UBQLN4: variants seen among roughly 807,000 people sequenced by gnomAD.
UBQLN4 encodes ubiquilin-4.
A neutral mutation model predicts 60.4 loss-of-function variants in UBQLN4; 11 were observed. The observed-to-expected ratio is 0.18, with a 90% CI of 0.11 to 0.30. The LOEUF (loss-of-function observed/expected upper bound fraction) is 0.30, where lower values mean the gene tolerates loss of function less well. UBQLN4 is among the 10% of genes least tolerant of loss of function. UBQLN4 has a pLI of 1.00. For synonymous variants in UBQLN4, 258 were observed against 313.1 expected, an observed-to-expected ratio of 0.82 and a Z score of 1.86; for missense variants, 417 against 795.5, an observed-to-expected ratio of 0.52 and a Z score of 5.72.
chr1:156,032,686 C>T (rs1683316448), downstream of UBQLN4, among the ~76,000 whole-genome samples: 1 of 152,048 alleles, frequency 6.6e-6, no homozygotes, highest in African/African-American at 2.4e-5. Context: ...GAGATGGGCG[C>T]TTGGTTTAGG....
chr1:156,035,288 C>T (rs534321414), downstream of UBQLN4: 163 of 985,450 alleles, frequency 1.7e-4, 2 homozygotes, highest in South Asian at 4.7e-3. Flanking sequence ...AAAAAACAAA[C>T]GCCAACACAC....
chr1:156,038,379 A>G (rs1357659273), intron 10 of UBQLN4, among the ~76,000 whole-genome samples: 1 of 145,130 alleles, frequency 6.9e-6, no homozygotes, highest in Non-Finnish European at 1.5e-5. Flanking sequence ...TAAAAAAACA[A>G]AAGTGCGTGG....
intron 10 of UBQLN4, among the ~76,000 whole-genome samples, chr1:156,039,501 C>T (rs1018948944): frequency 7.3e-5 from 11 of 151,360 alleles, no homozygotes; most frequent in Non-Finnish European, 1.2e-4. Flanking sequence ...CTGCCTGCCT[C>T]GGCCTCCCAA....
chr1:156,051,794 C>T lies in UBQLN4; in HGVS notation c.172G>A (p.Gly58Ser). ...GTGTCCCCATCCTTGAGGATCTTGC[C>T]TGCGAAGATCAGGACCAGCTGATCC... ...QQDQLVLIFA[G>S]KILKDGDTLN... is the part of the protein sequence containing the mutation. The change falls in exon 2 of 11, where the codon GGC (glycine) becomes AGC (serine). Residue 58 changes from glycine to serine, a missense_variant. Coordinates refer to ENST00000368309, the MANE Select transcript of UBQLN4 (RefSeq NM_020131.5). The T allele has an allele frequency of 6.2e-7, 1 of 1,614,164 alleles. No individual in the cohort carries two copies. The highest frequency in any genetic ancestry group is 1.1e-5 in the South Asian group (1 of 91,088).
chr1:156,040,441 A>ATTTTTTT (rs112995184), intron 10 of UBQLN4, among the ~76,000 whole-genome samples: 10 of 109,010 alleles, frequency 9.2e-5, no homozygotes, highest in East Asian at 3.2e-4. Context: ...CAGTCCACAC[A>ATTTTTTT]TTTTTTTTTT....
chr1:156,032,297 C>T (rs1342313999), downstream of UBQLN4, among the ~76,000 whole-genome samples: 2 of 151,138 alleles, frequency 1.3e-5, no homozygotes, highest in Non-Finnish European at 2.9e-5. Flanking sequence ...CCACCGCGCC[C>T]GGCCAAAATG....
chr1:156,051,077 A>G (rs1572281278), intron 3 of UBQLN4, 33 bp downstream of exon 3: 1 of 1,602,488 alleles, frequency 6.2e-7, no homozygotes, highest in Non-Finnish European at 8.5e-7. Context: ...CCCAACCCCA[A>G]ACAAGATTGT....
chr1:156,036,791 A>G lies in UBQLN4; in HGVS notation c.*187T>C. The G allele has an allele frequency of 1.4e-6, 2 of 1,465,476 alleles. No homozygotes were observed. The highest frequency in any genetic ancestry group is 2.9e-5 in the South Asian group (2 of 67,802). 90.8% of individuals were successfully genotyped at this position (1,465,476 alleles called of 1,614,324 possible). ...GGAGAGAAGAGTCTGTTAGAGACGTAGCAGTAAAACCATAATTCTCAGACA... is the reference window on the plus strand; with the variant it reads ...GGAGAGAAGAGTCTGTTAGAGACGTGGCAGTAAAACCATAATTCTCAGACA... On this transcript the variant is annotated 3_prime_UTR_variant, in exon 11 of 11. Transcript: ENST00000368309.
Position 156,050,191 on chromosome 1 carries a change from T to C in UBQLN4, c.741+100A>G. The C allele has an allele frequency of 6.9e-7, 1 of 1,444,790 alleles. No homozygotes were observed. The highest frequency in any genetic ancestry group is 2.5e-5 in the Admixed American group (1 of 40,030). 89.5% of individuals were successfully genotyped at this position (1,444,790 alleles called of 1,614,324 possible). ...ACCTCCAGTGTTCAAAACTGCTGAATACACGAATGAACAAATCAATGTAGG... is the reference window on the plus strand; with the variant it reads ...ACCTCCAGTGTTCAAAACTGCTGAACACACGAATGAACAAATCAATGTAGG... On this transcript the variant is annotated intron_variant, in intron 4 of 10. Coordinates refer to ENST00000368309, the MANE Select transcript of UBQLN4 (RefSeq NM_020131.5). The surrounding 1 kb of genome is among the most constrained non-coding windows in gnomAD (Gnocchi z 4.6).
Position 156,050,210 on chromosome 1 carries a change from A to G in UBQLN4, c.741+81T>C. 6.7e-7 allele frequency: 1 copy of G among 1,495,150 alleles called. No homozygotes were observed. Among genetic ancestry groups the G allele is most frequent in the South Asian group, 1.4e-5 (1 of 71,912 alleles). 92.6% of individuals were successfully genotyped at this position (1,495,150 alleles called of 1,614,324 possible). On this transcript the variant is annotated intron_variant, in intron 4 of 10. Transcript: ENST00000368309. This position sits in a 1 kb window ranked among gnomAD's most constrained non-coding sequence, Gnocchi z 4.6. ...GCTGAATACACGAATGAACAAATCAATGTAGGACAAAGTAGGAAAGGCTGG... is the reference window on the plus strand; with the variant it reads ...GCTGAATACACGAATGAACAAATCAGTGTAGGACAAAGTAGGAAAGGCTGG...
downstream of UBQLN4, among the ~76,000 whole-genome samples, chr1:156,031,416 A>G (rs963352697): frequency 2.0e-5 from 3 of 152,292 alleles, no homozygotes; most frequent in South Asian, 2.1e-4. Context: ...CCAAGACCGC[A>G]TAAGTAGAAA....
At chr1:156,038,081 A>C (rs1396663722) in intron 10 of UBQLN4, among the ~76,000 whole-genome samples, 1 of 152,220 alleles carries the variant, frequency 6.6e-6, no homozygotes, top group Non-Finnish European at 1.5e-5. Flanking sequence ...CAATTAAAAA[A>C]AAATTTTTTT....
At chr1:156,047,750 C>A (rs1267460329) in intron 5 of UBQLN4, among the ~76,000 whole-genome samples, 1 of 150,760 alleles carries the variant, frequency 6.6e-6, no homozygotes, top group Non-Finnish European at 1.5e-5. Flanking sequence ...AAAAAGTTAG[C>A]CGGGCGTGGT....
At position 156,050,813 on chromosome 1, in the gene UBQLN4, C is replaced by T. The variant is rs539435263; in HGVS notation, c.479-260G>A. 6.6e-6 allele frequency among the ~76,000 whole-genome samples: 1 copy of T among 152,318 alleles called. No homozygotes were observed. The highest frequency in any genetic ancestry group is 2.1e-4 in the South Asian group (1 of 4,830). The stretch of plus-strand genomic sequence containing the variant: ...GAATGAGTGGCCCATGTGGCTACTG[C>T]TGGATCCAACTTTTCCCCAGACTCA... On this transcript the variant is annotated intron_variant, in intron 3 of 10. Coordinates refer to ENST00000368309, the MANE Select transcript of UBQLN4 (RefSeq NM_020131.5). The surrounding 1 kb of genome is among the most constrained non-coding windows in gnomAD (Gnocchi z 4.6).
chr1:156,037,318 G>A (rs1332392085), intron 10 of UBQLN4, among the ~76,000 whole-genome samples, 188 bp from the exon 11 acceptor site: 2 of 152,174 alleles, frequency 1.3e-5, no homozygotes, highest in African/African-American at 4.8e-5. Context: ...TGTAATGGCC[G>A]GGTACGGTGG....
Position 156,035,346 on chromosome 1 carries a change from G to A in UBQLN4, c.*1632C>T, listed in dbSNP as rs2102736087. ...TTTATTTACAAAGGCCAGTGTGGGA[G>A]CTGGGGGAGGCAGGGAGGGAAAGCC... On this transcript the variant is annotated 3_prime_UTR_variant, in exon 11 of 11. Coordinates refer to ENST00000368309, the MANE Select transcript of UBQLN4 (RefSeq NM_020131.5). 1.0e-6 allele frequency: 1 copy of A among 985,406 alleles called. No homozygotes were observed. Among genetic ancestry groups the A allele is most frequent in the East Asian group, 1.1e-4 (1 of 8,924 alleles). 61.0% of individuals were successfully genotyped at this position (985,406 alleles called of 1,614,324 possible).
intron 5 of UBQLN4, among the ~76,000 whole-genome samples, chr1:156,045,589 C>G (rs1008675392): frequency 2.0e-5 from 3 of 152,230 alleles, no homozygotes; most frequent in Non-Finnish European, 2.9e-5. Flanking sequence ...AGCATTAAAA[C>G]TGTTTTCATA....
At chr1:156,046,702 C>T (rs1039154660) in intron 5 of UBQLN4, among the ~76,000 whole-genome samples, 12 of 151,676 alleles carry the variant, frequency 7.9e-5, no homozygotes, top group African/African-American at 2.7e-4. Context: ...CTTAGCCAGG[C>T]GTGGTGGTGC....
chr1:156,048,459 AG>A lies in UBQLN4; in HGVS notation c.900+41del. ...CCTGGGGTGGGGGTAGGGAATCTCG[AG>A]CCCAGACAGCCCAACCCACTACCCT... is the stretch of plus-strand genomic sequence containing the variant. On this transcript the variant is annotated intron_variant, in intron 5 of 10. Coordinates refer to ENST00000368309, the MANE Select transcript of UBQLN4 (RefSeq NM_020131.5). The surrounding 1 kb of genome is among the most constrained non-coding windows in gnomAD (Gnocchi z 4.9). The A allele has an allele frequency of 6.4e-7, 1 of 1,572,178 alleles. No homozygotes were observed. The highest frequency in any genetic ancestry group is 2.3e-5 in the East Asian group (1 of 43,838).
Sources: allele counts gnomAD v4.1 joint callset (sites outside exome capture counted in the v4.1 genomes callset), GRCh38; gene constraint gnomAD v4.1.1; non-coding constraint Gnocchi (gnomAD v3.1); transcripts MANE v1.5; gene names NCBI Gene and HGNC (gene_info 2026-07-23, HGNC 2026-07-21).